The following ALKBH5 variants were observed in gnomAD, a reference collection of about 807,000 sequenced individuals.
ALKBH5 encodes the protein alkB homolog 5, RNA demethylase, also known as RNA demethylase ALKBH5.
Under a neutral mutation model 32.1 loss-of-function variants are expected in ALKBH5, and 2 were observed. The ratio of observed to expected loss-of-function variants is 0.06; its 90% confidence interval spans 0.03 to 0.20. The LOEUF is 0.20. ALKBH5 is among the 10% of genes least tolerant of loss of function. The pLI, the probability that ALKBH5 is intolerant of heterozygous loss-of-function variation, is 1.00. For missense variants in ALKBH5, 352 were observed against 559.5 expected (o/e 0.63, Z 3.74); for synonymous variants, 300 against 231.7 (o/e 1.29, Z -2.68).
chr17:18,187,270 C>G (rs999162478), intron 1 of ALKBH5, among the ~76,000 whole-genome samples: 1 of 151,944 alleles, frequency 6.6e-6, no homozygotes, highest in Admixed American at 6.6e-5. Context: ...TGGAGAAATA[C>G]ACAACAGCAG....
intron 2 of ALKBH5, among the ~76,000 whole-genome samples, chr17:18,202,828 C>T (rs1294643279): frequency 6.6e-6 from 1 of 151,762 alleles, no homozygotes; most frequent in Non-Finnish European, 1.5e-5. Context: ...GTAATTCCAG[C>T]ACTTCGGGAG....
Position 18,184,126 on chromosome 17 carries a change from A to G in ALKBH5, c.-118A>G. On this transcript the variant is annotated 5_prime_UTR_variant, in exon 1 of 4. An upstream start codon of the reference 5' UTR is lost. Coordinates refer to ENST00000399138, the MANE Select transcript of ALKBH5 (RefSeq NM_017758.4). ...CCCCCGCCGGGTCCCCCACTCACGC[A>G]TGGGGGTTCGGCGCTAAGGACCCCC... The G allele has an allele frequency of 1.1e-6, 1 of 918,270 alleles. No individual in the cohort carries two copies. Among genetic ancestry groups the G allele is most frequent in the Non-Finnish European group, 1.6e-6 (1 of 608,034 alleles). The allele number at this position is 918,270 out of a possible 1,614,324, so 56.9% of individuals were successfully genotyped here. A position where few individuals can be genotyped will look rare whatever the true frequency, so the allele number is the denominator to read the frequency against.
intron 1 of ALKBH5, among the ~76,000 whole-genome samples, chr17:18,186,439 A>G (rs2047139921): frequency 6.6e-6 from 1 of 152,084 alleles, no homozygotes; most frequent in African/African-American, 2.4e-5. Context: ...ATTACCTCAC[A>G]CAAGGACCAT....
At chr17:18,198,080 A>G (rs1256258349) in intron 2 of ALKBH5, among the ~76,000 whole-genome samples, 1 of 152,236 alleles carries the variant, frequency 6.6e-6, no homozygotes, top group Non-Finnish European at 1.5e-5. Context: ...ATAAACCTAC[A>G]TGATAACCAA....
In ALKBH5 at chr17:18,208,362, G is replaced by T. The variant is rs759105052; in HGVS notation, c.1151G>T (p.Ser384Ile). 2 of 1,613,456 alleles carry T rather than the reference G, an allele frequency of 1.2e-6. No individual in the cohort carries two copies. Among genetic ancestry groups the T allele is most frequent in the East Asian group, 4.5e-5 (2 of 44,888 alleles). Residue 384 changes from serine to isoleucine, a missense_variant, in exon 4 of 4, where the codon AGC becomes ATC. Coordinates refer to ENST00000399138, the MANE Select transcript of ALKBH5 (RefSeq NM_017758.4). The part of the protein sequence containing the change: ...SSEDCSEAAG[S>I]PARKVKMRRH ...GAGGACTGCTCTGAGGCAGCAGGCA[G>T]CCCTGCCCGAAAGGTGAAGATGCGG... is the stretch of plus-strand genomic sequence containing the variant.
chr17:18,195,647 A>G (rs962672927), intron 2 of ALKBH5, among the ~76,000 whole-genome samples: 16 of 152,204 alleles, frequency 1.1e-4, no homozygotes, highest in African/African-American at 3.9e-4. Flanking sequence ...TTGGATCAAG[A>G]CAAGCCTTGC....
intron 1 of ALKBH5, among the ~76,000 whole-genome samples, chr17:18,187,966 G>A (rs1405768488): frequency 6.6e-6 from 1 of 152,208 alleles, no homozygotes; most frequent in African/African-American, 2.4e-5. Context: ...CAGCATGGAT[G>A]TTGGTGCGTC....
At chr17:18,197,175 G>A (rs1172229496) in intron 2 of ALKBH5, among the ~76,000 whole-genome samples, 1 of 152,256 alleles carries the variant, frequency 6.6e-6, no homozygotes, top group African/African-American at 2.4e-5. Flanking sequence ...TACAGGCAGA[G>A]CAGTGAACAC....
intron 1 of ALKBH5, among the ~76,000 whole-genome samples, chr17:18,188,325 C>T (rs562809471): frequency 6.6e-6 from 1 of 152,222 alleles, no homozygotes; most frequent in Non-Finnish European, 1.5e-5. Context: ...GCCACATGCC[C>T]AGAGACCCAG....
chr17:18,197,427 C>A (rs1173668131), intron 2 of ALKBH5, among the ~76,000 whole-genome samples: 1 of 152,224 alleles, frequency 6.6e-6, no homozygotes, highest in African/African-American at 2.4e-5. Context: ...CAACTGCAGC[C>A]AGGGATGGGT....
chr17:18,192,252 G>C (rs1048027297), intron 1 of ALKBH5, among the ~76,000 whole-genome samples: 9 of 152,164 alleles, frequency 5.9e-5, no homozygotes, highest in Non-Finnish European at 1.0e-4. Context: ...AAAGATTGTA[G>C]GGTGTCAGGC....
chr17:18,197,162 T>TG (rs1331189412), intron 2 of ALKBH5, among the ~76,000 whole-genome samples: 1 of 152,230 alleles, frequency 6.6e-6, no homozygotes, highest in African/African-American at 2.4e-5. Flanking sequence ...GACAGTCCTA[T>TG]GGTACAGGCA....
chr17:18,206,704 T>TG, intron 2 of ALKBH5, 111 bp from the exon 3 acceptor site: 1 of 1,207,226 alleles, frequency 8.3e-7, no homozygotes, highest in Non-Finnish European at 1.2e-6. Context: ...CAGAGACTGC[T>TG]GGCTTCCAGG....
chr17:18,197,256 C>G (rs1384625596), intron 2 of ALKBH5, among the ~76,000 whole-genome samples: 1 of 152,172 alleles, frequency 6.6e-6, no homozygotes, highest in Non-Finnish European at 1.5e-5. Context: ...AAGACTGTTC[C>G]CAGAATTTGT....
intron 1 of ALKBH5, among the ~76,000 whole-genome samples, chr17:18,191,786 A>G (rs1026047369): frequency 6.6e-6 from 1 of 152,066 alleles, no homozygotes; most frequent in South Asian, 2.1e-4. Context: ...CCTGGCCAAC[A>G]TGGGGAAACA....
chr17:18,188,843 C>T (rs566166136), intron 1 of ALKBH5, among the ~76,000 whole-genome samples: 4 of 152,014 alleles, frequency 2.6e-5, no homozygotes, highest in East Asian at 1.9e-4. Flanking sequence ...CCAAGGTGGA[C>T]GGATCATGAG....
At chr17:18,205,254 G>T (rs1207358099) in intron 2 of ALKBH5, among the ~76,000 whole-genome samples, 2 of 152,066 alleles carry the variant, frequency 1.3e-5, no homozygotes, top group Admixed American at 1.3e-4. Context: ...AGGAGGGATG[G>T]TGACTAGCTT....
chr17:18,204,137 A>G (rs11655588), intron 2 of ALKBH5, among the ~76,000 whole-genome samples: 32,124 of 152,160 alleles, frequency 0.21, 3,708 homozygotes, highest in Middle Eastern at 0.31. Context: ...TCTCAACTTG[A>G]TGACACGAAG....
Position 18,208,328 on chromosome 17 carries a change from G to C in ALKBH5, c.1117G>C (p.Glu373Gln). ...TGAGAACTACTGGCGCAAGTCATAC[G>C]AGTCCTCAGAGGACTGCTCTGAGGC... ...SSENYWRKSYESSEDCSEAAG... is the reference protein window; with the variant it reads ...SSENYWRKSYQSSEDCSEAAG... The change falls in exon 4 of 4, where the codon GAG becomes CAG. Residue 373 changes from glutamate to glutamine, a missense_variant. By Grantham distance (29) the Glu-to-Gln change is conservative. Coordinates refer to ENST00000399138, the MANE Select transcript of ALKBH5 (RefSeq NM_017758.4). The C allele has an allele frequency of 6.2e-7, 1 of 1,614,072 alleles. No homozygotes were observed. Among genetic ancestry groups the C allele is most frequent in the Non-Finnish European group, 8.5e-7 (1 of 1,180,018 alleles).
Sources: allele counts gnomAD v4.1 joint callset (sites outside exome capture counted in the v4.1 genomes callset), GRCh38; gene constraint gnomAD v4.1.1; transcripts MANE v1.5; gene names NCBI Gene and HGNC (gene_info 2026-07-23, HGNC 2026-07-21).